The following CCPG1 variants were observed in gnomAD, a reference collection of about 807,000 sequenced individuals.
CCPG1 encodes the protein cell cycle progression protein 1.
CCPG1 carries 46 observed loss-of-function variants against 81.3 expected under a neutral mutation model. That is an observed-to-expected ratio of 0.57 (90% confidence interval 0.45 to 0.72). The LOEUF (loss-of-function observed/expected upper bound fraction) is 0.72. Ranked by LOEUF, CCPG1 falls within the 30% of genes least tolerant of loss-of-function variation. The probability of loss-of-function intolerance (pLI) is 0.00; values close to 1 mark genes in which losing one functional copy is unlikely to be tolerated. For missense variants in CCPG1, 902 were observed against 937.6 expected (o/e 0.96, Z 0.50); for synonymous variants, 330 against 305.2 (o/e 1.08, Z -0.85).
intron 1 of CCPG1, among the ~76,000 whole-genome samples, chr15:55,395,575 C>T (rs1361384839): frequency 1.3e-5 from 2 of 152,066 alleles, no homozygotes; most frequent in Non-Finnish European, 2.9e-5. Context: ...CAGGGCTTTA[C>T]ATATTCTGAT....
chr15:55,373,467 C>A (rs2056496412), intron 5 of CCPG1, among the ~76,000 whole-genome samples: 1 of 152,184 alleles, frequency 6.6e-6, no homozygotes, highest in Non-Finnish European at 1.5e-5. Flanking sequence ...CACTTTCACA[C>A]TTACAACAAT....
intron 1 of CCPG1, among the ~76,000 whole-genome samples, chr15:55,393,993 C>T (rs902251215): frequency 6.6e-6 from 1 of 152,152 alleles, no homozygotes; most frequent in South Asian, 2.1e-4. Context: ...TTCATCCCTT[C>T]CTTGCTTTGT....
At chr15:55,365,431 T>TTG (rs2056305527) in intron 6 of CCPG1, 122 bp from the exon 7 acceptor site, 9 of 572,744 alleles carry the variant, frequency 1.6e-5, no homozygotes, top group Admixed American at 1.1e-4. Flanking sequence ...TTTTTTTTTT[T>TTG]GTTTTTTTTT....
intron 5 of CCPG1, chr15:55,374,165 G>A (rs542461616): frequency 2.4e-5 from 31 of 1,288,642 alleles, no homozygotes; most frequent in East Asian, 5.5e-5. Flanking sequence ...CTTGGAAAGC[G>A]AGTTGGCTAG....
intron 1 of CCPG1, 51 bp from the exon 2 acceptor site, chr15:55,389,484 A>G (rs1223926995): frequency 3.7e-5 from 48 of 1,298,912 alleles, no homozygotes; most frequent in Non-Finnish European, 5.2e-5. Context: ...TTTTAATTCT[A>G]TAGGAAGCAC....
chr15:55,389,055 T>G (rs1365959023), intron 2 of CCPG1, among the ~76,000 whole-genome samples: 1 of 107,784 alleles, frequency 9.3e-6, no homozygotes, highest in Non-Finnish European at 1.8e-5. Flanking sequence ...GGCAACAGAG[T>G]GAGACTCTGT....
intron 3 of CCPG1, among the ~76,000 whole-genome samples, chr15:55,381,908 A>G (rs1030322699): frequency 1.6e-4 from 24 of 152,246 alleles, no homozygotes; most frequent in African/African-American, 5.8e-4. Context: ...AAAGCAAGTC[A>G]CATGAATTTT....
At chr15:55,399,794 A>G (rs547425496) in intron 1 of CCPG1, 1 of 152,060 alleles carries the variant, frequency 6.6e-6, no homozygotes, top group East Asian at 1.9e-4. Flanking sequence ...CGTTCTAAGA[A>G]CTCCACGAAA....
chr15:55,370,245 A>T (rs2056418810), intron 6 of CCPG1, among the ~76,000 whole-genome samples: 2 of 152,266 alleles, frequency 1.3e-5, no homozygotes, highest in Admixed American at 1.3e-4. Context: ...CACATAGGGT[A>T]CATGTAATTC....
At chr15:55,402,452 C>G (rs917052605) in intron 1 of CCPG1, among the ~76,000 whole-genome samples, 1 of 152,190 alleles carries the variant, frequency 6.6e-6, no homozygotes, top group African/African-American at 2.4e-5. Flanking sequence ...TGGTCTCAAA[C>G]TCCTGACCTC....
At chr15:55,358,854 ATTATAT>A (rs1284250743) in intron 8 of CCPG1, 1 of 969,008 alleles carries the variant, frequency 1.0e-6, no homozygotes, top group Admixed American at 6.2e-5. Flanking sequence ...TTATAGACAC[ATTATAT>A]TTATTCAGAA....
At chr15:55,398,823 G>A (rs1035758148) in intron 1 of CCPG1, among the ~76,000 whole-genome samples, 7 of 152,010 alleles carry the variant, frequency 4.6e-5, no homozygotes, top group African/African-American at 1.2e-4. Flanking sequence ...CTCATGATCC[G>A]CCTGCCTTGG....
At chr15:55,391,872 TA>T (rs35532067) in intron 1 of CCPG1, among the ~76,000 whole-genome samples, 96 of 63,194 alleles carry the variant, frequency 1.5e-3, no homozygotes, top group African/African-American at 4.8e-3. Context: ...CTTGACTCTT[TA>T]AAAAAAAAAA....
At position 55,359,959 on chromosome 15, in the gene CCPG1, T is replaced by C. The variant is rs2056157080; in HGVS notation, c.1814A>G (p.Lys605Arg). 5.0e-6 allele frequency: 8 copies of C among 1,613,192 alleles called. No individual in the cohort carries two copies. Among genetic ancestry groups the C allele is most frequent in the Non-Finnish European group, 6.8e-6 (8 of 1,179,844 alleles). The change falls in exon 8 of 9, where the codon AAA (lysine) becomes AGA (arginine). Residue 605 changes from lysine (K) to arginine (R), a missense_variant. This residue lies in a region of CCPG1 where 746 missense variants were observed against 728.6 expected (regional missense o/e 1.02). Transcript: ENST00000442196. ...ACTGCATTTCTTTGAATTTGTATTT[T>C]TTCTGAATTCTTTAAAGTGAACTGG... ...EKPVHFKEFR[K>R]NTNSKKCSPG...
At chr15:55,359,323 C>G in intron 8 of CCPG1, 1 of 1,236,134 alleles carries the variant, frequency 8.1e-7, no homozygotes, top group Non-Finnish European at 1.0e-6. Flanking sequence ...ACCATTTGCT[C>G]AAGTCAAAGT....
chr15:55,369,171 G>A (rs574130828), intron 6 of CCPG1, among the ~76,000 whole-genome samples: 4 of 152,012 alleles, frequency 2.6e-5, no homozygotes, highest in Non-Finnish European at 2.9e-5. Context: ...CCGACTTTAC[G>A]GTGAATAGAA....
Position 55,386,542 on chromosome 15 carries a change from G to A in CCPG1, c.61-828C>T, listed in dbSNP as rs1036020553. Among the ~76,000 whole-genome samples the A allele has an allele frequency of 5.3e-5, 8 of 152,196 alleles. No individual in the cohort carries two copies. In the East Asian group the frequency reaches 9.7e-4, roughly 18 times the overall value. On this transcript the variant is annotated intron_variant, in intron 2 of 8. Coordinates refer to ENST00000442196, the MANE Select transcript of CCPG1 (RefSeq NM_001204450.2). ...CTATAGTCTGCTGACACATGGAATC[G>A]AAAGGTCTGCATTCTCTTGCGTATA...
At chr15:55,372,852 T>C in intron 5 of CCPG1, 2 of 477,408 alleles carry the variant, frequency 4.2e-6, no homozygotes, top group South Asian at 1.6e-5. Flanking sequence ...TCCTTGGGTG[T>C]ATCTGGTCTC....
rs1316309253 is a variant in CCPG1 at position 55,360,684 on chromosome 15, C to T, written c.1089G>A (p.Gln363=). The stretch of plus-strand genomic sequence containing the variant: ...TTTGACTAAGAAAGCTGTGTTTTTT[C>T]TGCTTTTCCTCTTCCAAATGCTGCT... The part of the protein sequence containing the change: ...KLKQHLEEEK[Q]KKHSFLSQRE... Residue 363 remains glutamine, a synonymous_variant, in exon 8 of 9, where the codon CAG becomes CAA. Transcript: ENST00000442196. 5 of 1,613,628 alleles carry T rather than the reference C, an allele frequency of 3.1e-6. No individual in the cohort carries two copies. The Admixed American group carries it at 8.3e-5, about 27-fold the overall frequency.
Sources: allele counts gnomAD v4.1 joint callset (sites outside exome capture counted in the v4.1 genomes callset), GRCh38; gene constraint gnomAD v4.1.1; regional missense constraint gnomAD v4.1.1; transcripts MANE v1.5; gene names NCBI Gene and HGNC (gene_info 2026-07-23, HGNC 2026-07-21).